The following MSRA variants were observed in gnomAD, a reference collection of about 807,000 sequenced individuals.
MSRA encodes the protein methionine sulfoxide reductase A.
In MSRA, 54 loss-of-function variants were observed where a neutral mutation model predicts 31.3. The observed-to-expected ratio is 1.73, with a 90% CI of 1.39 to 2.17. MSRA has a LOEUF of 2.17. Among genes scored for constraint, MSRA ranks in the 30% most tolerant of loss-of-function variants. MSRA has a pLI of 0.00. For synonymous variants in MSRA, 169 were observed against 116.5 expected (o/e 1.45, Z -2.90); for missense variants, 507 against 300.9 (o/e 1.69, Z -5.07).
At chr8:10,272,570 G>A (rs781758043) in intron 3 of MSRA, among the ~76,000 whole-genome samples, 2 of 152,196 alleles carry the variant, frequency 1.3e-5, no homozygotes, top group African/African-American at 4.8e-5. Flanking sequence ...AAATGCTAAT[G>A]TCATCCAGAA....
intron 1 of MSRA, among the ~76,000 whole-genome samples, chr8:10,144,253 C>A (rs771655840): frequency 1.3e-5 from 2 of 152,110 alleles, no homozygotes; most frequent in Non-Finnish European, 2.9e-5. Context: ...TGTTTAGGAG[C>A]GAGAACTGTT....
chr8:10,141,277 G>A (rs1011067337), intron 1 of MSRA, among the ~76,000 whole-genome samples: 2 of 152,182 alleles, frequency 1.3e-5, no homozygotes, highest in Non-Finnish European at 2.9e-5. Flanking sequence ...TCACCGTCGG[G>A]AGGCCTGTGC....
chr8:10,259,239 T>A (rs1465877479), intron 3 of MSRA, among the ~76,000 whole-genome samples: 1 of 152,150 alleles, frequency 6.6e-6, no homozygotes, highest in Non-Finnish European at 1.5e-5. Flanking sequence ...CTGAGGGAAT[T>A]TTAAACTCTA....
At chr8:10,151,934 G>T (rs929591217) in intron 1 of MSRA, among the ~76,000 whole-genome samples, 4 of 152,178 alleles carry the variant, frequency 2.6e-5, no homozygotes, top group African/African-American at 9.7e-5. Context: ...TAGAAGGTCA[G>T]TGTCTCACCA....
chr8:10,137,969 A>T (rs1418708358), intron 1 of MSRA, among the ~76,000 whole-genome samples: 1 of 152,186 alleles, frequency 6.6e-6, no homozygotes, highest in Non-Finnish European at 1.5e-5. Context: ...AAGATCAGGG[A>T]GATTAGTACC....
chr8:10,115,550 T>C (rs561949976), intron 1 of MSRA, among the ~76,000 whole-genome samples: 1 of 152,206 alleles, frequency 6.6e-6, no homozygotes, highest in South Asian at 2.1e-4. Context: ...TGTGGTAATT[T>C]GTTGCCACAC....
Position 10,293,977 on chromosome 8 carries a change from G to A in MSRA, c.332-7557G>A, listed in dbSNP as rs979697550. ...TCAACACTTCGAAAGGCCGAGGTGGGAGGATCACCTGAGGTTAGGAGTTTG... is the reference window on the plus strand; with the variant it reads ...TCAACACTTCGAAAGGCCGAGGTGGAAGGATCACCTGAGGTTAGGAGTTTG... On this transcript the variant is annotated intron_variant, in intron 3 of 5. Transcript: ENST00000317173. Among the ~76,000 whole-genome samples, 8 of 152,114 alleles carry A rather than the reference G, an allele frequency of 5.3e-5. No individual in the cohort carries two copies. In the South Asian group the frequency reaches 8.3e-4, roughly 16 times the overall value.
intron 5 of MSRA, among the ~76,000 whole-genome samples, chr8:10,341,363 G>T (rs1463300073): frequency 6.6e-6 from 1 of 152,058 alleles, no homozygotes; most frequent in Non-Finnish European, 1.5e-5. Context: ...TTGGGGGGAG[G>T]TGCCACACGT....
chr8:10,355,750 CA>C (rs1804470570), intron 5 of MSRA, among the ~76,000 whole-genome samples: 2 of 152,202 alleles, frequency 1.3e-5, no homozygotes, highest in East Asian at 3.9e-4. Flanking sequence ...TGAGGGTCTG[CA>C]GATGCAGGTG....
intron 1 of MSRA, chr8:10,096,389 C>A: frequency 1.3e-6 from 1 of 742,258 alleles, no homozygotes; most frequent in African/African-American, 1.9e-5. Context: ...GGGGAGGTGT[C>A]TATGTCTAAG....
intron 1 of MSRA, among the ~76,000 whole-genome samples, chr8:10,092,791 A>C (rs1798922874): frequency 6.6e-6 from 1 of 152,178 alleles, no homozygotes; most frequent in Non-Finnish European, 1.5e-5. Context: ...AAGGTATTGA[A>C]GTTTCCAACT....
chr8:10,058,851 G>C (rs1802544315), intron 1 of MSRA: 1 of 152,136 alleles, frequency 6.6e-6, no homozygotes, highest in Non-Finnish European at 1.5e-5. Flanking sequence ...TTTTTATTAA[G>C]TGTGATCTAG....
At chr8:10,072,692 G>T (rs994669286) in intron 1 of MSRA, among the ~76,000 whole-genome samples, 1 of 152,210 alleles carries the variant, frequency 6.6e-6, no homozygotes, top group Non-Finnish European at 1.5e-5. Flanking sequence ...AGGGACAATT[G>T]ATGTCTTTAT....
chr8:10,417,450 G>A (rs13273761), intron 5 of MSRA, among the ~76,000 whole-genome samples: 1,168 of 32,554 alleles, frequency 0.036, 7 homozygotes, highest in Non-Finnish European at 0.06. Flanking sequence ...ACACACATAC[G>A]CACACTCCAT....
intron 1 of MSRA, among the ~76,000 whole-genome samples, chr8:10,088,191 A>T (rs947611318): frequency 1.3e-5 from 2 of 152,190 alleles, no homozygotes; most frequent in Non-Finnish European, 2.9e-5. Context: ...CCATGCTACC[A>T]TCTGTAACCA....
rs528202471 is a variant in MSRA, at chr8:10,202,758, T to C, written c.143-5075T>C. ...CCTAACTGTTATATAGAGTTTGTTA[T>C]GTACTGGACACTGTTCTGAGTGCTT... On this transcript the variant is annotated intron_variant, in intron 1 of 5. Transcript: ENST00000317173. Among the ~76,000 whole-genome samples the C allele has an allele frequency of 4.5e-4, 68 of 152,364 alleles. 1 individual carries two copies. Among genetic ancestry groups the C allele is most frequent in the Non-Finnish European group, 8.7e-4 (59 of 68,042 alleles).
chr8:10,198,766 G>T (rs1484647), intron 1 of MSRA, among the ~76,000 whole-genome samples: 1 of 151,926 alleles, frequency 6.6e-6, no homozygotes, highest in Non-Finnish European at 1.5e-5. Context: ...TGGGACCACA[G>T]GTGCACACCA....
intron 5 of MSRA, among the ~76,000 whole-genome samples, chr8:10,386,747 TG>T (rs1314494857): frequency 2.6e-5 from 4 of 152,056 alleles, no homozygotes; most frequent in Non-Finnish European, 2.9e-5. Context: ...GCACAGGTGA[TG>T]GGTTCTACTT....
chr8:10,310,944 G>A (rs781300724), intron 4 of MSRA, among the ~76,000 whole-genome samples: 1 of 152,146 alleles, frequency 6.6e-6, no homozygotes, highest in Non-Finnish European at 1.5e-5. Flanking sequence ...CAAATAATCA[G>A]GCTTTTGAAA....
Sources: allele counts gnomAD v4.1 joint callset (sites outside exome capture counted in the v4.1 genomes callset), GRCh38; gene constraint gnomAD v4.1.1; transcripts MANE v1.5; gene names NCBI Gene and HGNC (gene_info 2026-07-23, HGNC 2026-07-21).